Variants in GLIS3 observed in about 807,000 individuals in gnomAD.
GLIS3 encodes the protein GLIS family zinc finger 3.
In GLIS3, 53 loss-of-function variants were observed where a neutral mutation model predicts 78.6. The ratio of observed to expected loss-of-function variants is 0.67; its 90% CI spans 0.54 to 0.85. The LOEUF is 0.85. Ranked by LOEUF, GLIS3 falls within the 40% of genes least tolerant of loss-of-function variation. GLIS3 has a pLI of 0.00. For missense variants in GLIS3, 1,703 were observed against 1,231.1 expected, an observed-to-expected ratio of 1.38 and a Z score of -5.74; for synonymous variants, 684 against 509.9, an observed-to-expected ratio of 1.34 and a Z score of -4.60.
At chr9:3,850,806 G>A (rs768776418) in intron 9 of GLIS3, among the ~76,000 whole-genome samples, 6 of 152,102 alleles carry the variant, frequency 3.9e-5, no homozygotes, top group Non-Finnish European at 7.4e-5. Flanking sequence ...GCACACACAC[G>A]CCACGGTGTC....
chr9:4,128,261 C>G (rs769941373), intron 2 of GLIS3, among the ~76,000 whole-genome samples: 1 of 152,234 alleles, frequency 6.6e-6, no homozygotes, highest in Non-Finnish European at 1.5e-5. Flanking sequence ...ACCTGTTAGG[C>G]AGATCTGACC....
intron 4 of GLIS3, among the ~76,000 whole-genome samples, chr9:4,023,967 T>C (rs768222230): frequency 1.3e-5 from 2 of 151,398 alleles, no homozygotes; most frequent in Admixed American, 1.3e-4. Context: ...GTGGTGAATC[T>C]AGTCATGAAG....
At chr9:4,390,339 T>C in the GLIS3 span, among the ~76,000 whole-genome samples, 1 of 152,222 alleles carries the variant, frequency 6.6e-6, no homozygotes, top group South Asian at 2.1e-4. Context: ...AACCCAGATA[T>C]TGTTTTTATA....
At chr9:4,429,127 A>G in the GLIS3 span, among the ~76,000 whole-genome samples, 1 of 152,236 alleles carries the variant, frequency 6.6e-6, no homozygotes, top group African/African-American at 2.4e-5. Context: ...CATAGCATTC[A>G]ACCTAATATT....
chr9:3,945,523 T>G (rs1027533319), intron 4 of GLIS3, among the ~76,000 whole-genome samples: 18 of 152,178 alleles, frequency 1.2e-4, no homozygotes, highest in African/African-American at 4.3e-4. Flanking sequence ...CATAATGTGT[T>G]CCAGGAGATA....
the GLIS3 span, among the ~76,000 whole-genome samples, chr9:4,363,070 C>G: frequency 6.6e-6 from 1 of 152,116 alleles, no homozygotes; most frequent in Non-Finnish European, 1.5e-5. Flanking sequence ...CCATTAGGCC[C>G]AAGAGACAGC....
intron 4 of GLIS3, among the ~76,000 whole-genome samples, chr9:3,951,881 C>A (rs1462543969): frequency 6.6e-6 from 1 of 150,498 alleles, no homozygotes; most frequent in African/African-American, 2.5e-5. Context: ...CACACACACA[C>A]ACACGCACGC....
chr9:4,244,616 C>T (rs1418412702), intron 2 of GLIS3, among the ~76,000 whole-genome samples: 1 of 151,854 alleles, frequency 6.6e-6, no homozygotes, highest in Non-Finnish European at 1.5e-5. Context: ...CTCTTGCCAC[C>T]CAGGCTGGAA....
chr9:4,114,634 G>A (rs993992148), intron 4 of GLIS3, among the ~76,000 whole-genome samples: 1 of 152,184 alleles, frequency 6.6e-6, no homozygotes, highest in Non-Finnish European at 1.5e-5. Flanking sequence ...AGTGAATGGA[G>A]TCGGGTATTT....
At chr9:4,403,966 T>C in the GLIS3 span, among the ~76,000 whole-genome samples, 17 of 152,144 alleles carry the variant, frequency 1.1e-4, no homozygotes, top group African/African-American at 3.9e-4. Flanking sequence ...CAATGATCTG[T>C]TGCCTACAAG....
intron 4 of GLIS3, among the ~76,000 whole-genome samples, chr9:4,081,667 A>G (rs1387719111): frequency 6.6e-6 from 1 of 152,200 alleles, no homozygotes; most frequent in Non-Finnish European, 1.5e-5. Flanking sequence ...CAACCAGCCT[A>G]TCGTGACTAA....
At chr9:3,888,793 G>A (rs540587391) in intron 7 of GLIS3, among the ~76,000 whole-genome samples, 2 of 152,250 alleles carry the variant, frequency 1.3e-5, no homozygotes, top group African/African-American at 4.8e-5. Flanking sequence ...CTCACGTGCT[G>A]TCATGAGTTT....
Position 3,977,172 on chromosome 9 carries a change from A to G in GLIS3, c.1711-39983T>C, listed in dbSNP as rs1818873501. The stretch of plus-strand genomic sequence containing the variant: ...ACACCACTCGATACCGAATGCTTAC[A>G]ACTCCCAAGCCGGGAGAAATATTGT... On this transcript the variant is annotated intron_variant, in intron 4 of 10. Transcript: ENST00000381971. This position sits in a 1 kb window ranked among gnomAD's most constrained non-coding sequence, Gnocchi z 4.1. Among the ~76,000 whole-genome samples, 1 of 152,140 alleles carries G rather than the reference A, an allele frequency of 6.6e-6. No individual in the cohort carries two copies. Among genetic ancestry groups the G allele is most frequent in the Non-Finnish European group, 1.5e-5 (1 of 68,022 alleles).
the GLIS3 span, among the ~76,000 whole-genome samples, chr9:4,418,709 C>G: frequency 6.6e-6 from 1 of 150,556 alleles, no homozygotes; most frequent in African/African-American, 2.4e-5. Flanking sequence ...AAAAAACAAA[C>G]AAAAAAAAAC....
chr9:3,937,146 T>C lies in GLIS3; in HGVS notation c.1754A>G (p.Lys585Arg), dbSNP rs763199467. Reference sequence around the variant, plus strand: ...GCCTGTGTGGCTCCGCAAGTGGATCTTGAGATTTTCAAGCCTTGAAAAGGC... The same window carrying C: ...GCCTGTGTGGCTCCGCAAGTGGATCCTGAGATTTTCAAGCCTTGAAAAGGC... ...EKAFSRLENLKIHLRSHTGEK... is the reference protein window; with the variant it reads ...EKAFSRLENLRIHLRSHTGEK... Residue 585 changes from lysine to arginine, a missense_variant, in exon 5 of 11, where the codon AAG (lysine) becomes AGG (arginine). Coordinates refer to ENST00000381971, the MANE Select transcript of GLIS3 (RefSeq NM_001042413.2). 3.1e-6 allele frequency: 5 copies of C among 1,614,132 alleles called. No individual in the cohort carries two copies. The highest frequency in any genetic ancestry group is 3.4e-6 in the Non-Finnish European group (4 of 1,180,014).
intron 2 of GLIS3, among the ~76,000 whole-genome samples, chr9:4,319,576 C>T (rs1336471065): frequency 2.0e-5 from 3 of 151,872 alleles, no homozygotes; most frequent in African/African-American, 7.3e-5. Context: ...GTCACCAAGG[C>T]TGGAATGCAG....
At chr9:4,164,360 A>G (rs2131098423) in intron 2 of GLIS3, among the ~76,000 whole-genome samples, 1 of 152,330 alleles carries the variant, frequency 6.6e-6, no homozygotes, top group South Asian at 2.1e-4. Flanking sequence ...TGATTCTTTC[A>G]TTAGCCCAAG....
chr9:4,015,269 T>C (rs75143703), intron 4 of GLIS3, among the ~76,000 whole-genome samples: 1,610 of 152,266 alleles, frequency 0.011, 37 homozygotes, highest in African/African-American at 0.036. Context: ...CATTAGAGAA[T>C]TGCCCAGGTA....
At chr9:4,420,008 A>C in the GLIS3 span, among the ~76,000 whole-genome samples, 1 of 152,186 alleles carries the variant, frequency 6.6e-6, no homozygotes, top group South Asian at 2.1e-4. Context: ...AGGGATCTGA[A>C]CAGAAATACA....
Sources: allele counts gnomAD v4.1 joint callset (sites outside exome capture counted in the v4.1 genomes callset), GRCh38; gene constraint gnomAD v4.1.1; non-coding constraint Gnocchi (gnomAD v3.1); transcripts MANE v1.5; gene names NCBI Gene and HGNC (gene_info 2026-07-23, HGNC 2026-07-21).